The following DHX29 variants were observed in gnomAD, a reference collection of about 807,000 sequenced individuals.
The protein encoded by DHX29 is ATP-dependent RNA helicase DHX29.
In DHX29, 79 loss-of-function variants were observed where a neutral mutation model predicts 167.9. The ratio of observed to expected loss-of-function variants is 0.47; its 90% confidence interval spans 0.39 to 0.57. DHX29 has a LOEUF of 0.57. Ranked by LOEUF, DHX29 falls within the 20% of genes least tolerant of loss-of-function variation. The pLI is 0.00. For missense variants in DHX29, 1,347 were observed against 1,593.4 expected, an observed-to-expected ratio of 0.85 and a Z score of 2.63; for synonymous variants, 530 against 546.0, an observed-to-expected ratio of 0.97 and a Z score of 0.41.
At chr5:55,290,911 A>G in intron 6 of DHX29, among the ~76,000 whole-genome samples, 1 of 152,132 alleles carries the variant, frequency 6.6e-6, no homozygotes, top group South Asian at 2.1e-4. Context: ...GCTACCCAGA[A>G]GGCTGAGGCA....
intron 16 of DHX29, among the ~76,000 whole-genome samples, 154 bp downstream of exon 16, chr5:55,274,460 A>C (rs1233843947): frequency 6.6e-6 from 1 of 152,214 alleles, no homozygotes; most frequent in African/African-American, 2.4e-5. Flanking sequence ...ATAACATGTT[A>C]TAATGGAAGT....
intron 1 of DHX29, among the ~76,000 whole-genome samples, chr5:55,299,661 T>C (rs892107240): frequency 5.9e-5 from 9 of 152,134 alleles, no homozygotes; most frequent in African/African-American, 1.2e-4. Context: ...CCTTCTTCCC[T>C]TTCTCTGTGT....
chr5:55,260,527 G>GGCCTGGAGTGTAACATTTTTTAAAATA (rs70992714), intron 25 of DHX29, among the ~76,000 whole-genome samples: 1 of 151,692 alleles, frequency 6.6e-6, no homozygotes, highest in Non-Finnish European at 1.5e-5. Context: ...CATGGCACCC[G>GGCCTGGAGTGTAACATTTTTTAAAATA]GCTTTATTGA....
At chr5:55,289,492 T>C in intron 7 of DHX29, 64 bp from the exon 8 acceptor site, 2 of 1,337,950 alleles carry the variant, frequency 1.5e-6, no homozygotes, top group Non-Finnish European at 2.0e-6. Flanking sequence ...TTTTTATTTA[T>C]TTACTTTTTT....
Position 55,283,340 on chromosome 5 carries a change from A to G in DHX29, c.1828T>C (p.Leu610=), listed in dbSNP as rs929570425. 11 of 1,614,030 alleles carry G rather than the reference A, an allele frequency of 6.8e-6. No homozygotes were observed. Among genetic ancestry groups the G allele is most frequent in the Middle Eastern group, 1.6e-4 (1 of 6,084 alleles). Residue 610 remains leucine, a synonymous_variant, in exon 11 of 27, where the codon TTG becomes CTG. Coordinates refer to ENST00000251636, the MANE Select transcript of DHX29 (RefSeq NM_019030.4). ...CACTCATTTAGAAGCAAATCTTCCA[A>G]TAGAAAATGTGGTACCTGAGTACTT... ...GKSTQVPHFL[L]EDLLLNEWEA...
intron 1 of DHX29, among the ~76,000 whole-genome samples, chr5:55,306,381 T>G (rs1748861276): frequency 6.6e-6 from 1 of 152,344 alleles, no homozygotes; most frequent in Middle Eastern, 3.4e-3. Context: ...AACTCCTTTT[T>G]CATTCTCCTC....
At chr5:55,279,789 T>G (rs910156534) in intron 12 of DHX29, 2 of 151,716 alleles carry the variant, frequency 1.3e-5, no homozygotes, top group African/African-American at 4.9e-5. Context: ...CAGGCTGGTC[T>G]CAAACTCCTG....
intron 22 of DHX29, 44 bp downstream of exon 22, chr5:55,267,642 C>T: frequency 6.5e-7 from 1 of 1,536,244 alleles, no homozygotes; most frequent in Non-Finnish European, 8.8e-7. Flanking sequence ...AGTAAATAAC[C>T]TCAGGTAATT....
At chr5:55,295,553 T>C (rs775948215) in intron 4 of DHX29, 29 bp from the exon 5 acceptor site, 2 of 1,604,058 alleles carry the variant, frequency 1.2e-6, no homozygotes, top group East Asian at 4.5e-5. Flanking sequence ...ATGCTGAAAA[T>C]AAACAGGCAT....
At chr5:55,299,023 C>T (rs112089084) in intron 1 of DHX29, among the ~76,000 whole-genome samples, 136 of 119,234 alleles carry the variant, frequency 1.1e-3, no homozygotes, top group African/African-American at 4.4e-3. Context: ...GGCGACAGAG[C>T]GAGACTCCGT....
At position 55,294,031 on chromosome 5, in the gene DHX29, C is replaced by T. The variant is rs138593377; in HGVS notation, c.766G>A (p.Glu256Lys). 1 of 1,606,272 alleles carries T rather than the reference C, an allele frequency of 6.2e-7. No homozygotes were observed. The highest frequency in any genetic ancestry group is 1.3e-5 in the African/African-American group (1 of 74,494). ...NENSKSLEEE[E>K]KFDPNERYLH... ...TTTCTACTCACAGGGTCAAATTTTTCCTCCTCTTCTAAACTTTTAGAATTC... is the reference window on the plus strand; with the variant it reads ...TTTCTACTCACAGGGTCAAATTTTTTCTCCTCTTCTAAACTTTTAGAATTC... Residue 256 changes from glutamate to lysine, a missense_variant, in exon 6 of 27, where the codon GAA becomes AAA. Physicochemically the swap from Glu to Lys is moderately conservative, Grantham distance 56 (BLOSUM62 1). Coordinates refer to ENST00000251636, the MANE Select transcript of DHX29 (RefSeq NM_019030.4).
rs748257008 is a variant in DHX29 at position 55,274,707 on chromosome 5, A to G, written c.2597T>C (p.Ile866Thr). 1.3e-5 allele frequency: 20 copies of G among 1,592,216 alleles called. No individual in the cohort carries two copies. Among genetic ancestry groups the G allele is most frequent in the East Asian group, 2.2e-5 (1 of 44,534 alleles). ...TAAAAAGATCAATACTGCTCCTTCA[A>G]TATTTCTGAATTGGGGACTTTTATC... ...YLDKSPQFRN[I>T]EGAVLIFLPG... Residue 866 changes from isoleucine (I) to threonine (T), a missense_variant, in exon 16 of 27, where the codon ATT becomes ACT. Ile to Thr is a moderately conservative substitution (Grantham distance 89). Transcript: ENST00000251636.
Position 55,259,909 on chromosome 5 carries a change from C to T in DHX29, c.3996G>A (p.Leu1332=), listed in dbSNP as rs1197900947. 6.2e-7 allele frequency: 1 copy of T among 1,612,714 alleles called. No homozygotes were observed. The highest frequency in any genetic ancestry group is 1.7e-5 in the Admixed American group (1 of 59,978). Residue 1332 remains leucine (L), a synonymous_variant, in exon 26 of 27, where the codon CTG becomes CTA. Transcript: ENST00000251636. ...PVKIAVIFKQ[L]RVLIDSVLRK... is the part of the protein sequence containing the mutation. ...TTAAAACTGAATCAATGAGAACTCT[C>T]AGCTGCTTGAAAATGACAGCTATCT...
chr5:55,272,112 C>A lies in DHX29; in HGVS notation c.2839G>T (p.Asp947Tyr), dbSNP rs750780542. 1.3e-6 allele frequency: 2 copies of A among 1,585,118 alleles called. No individual in the cohort carries two copies. The highest frequency in any genetic ancestry group is 1.2e-5 in the South Asian group (1 of 85,498). The change falls in exon 18 of 27, where the codon GAT (aspartate) becomes TAT (tyrosine). Residue 947 changes from aspartate to tyrosine, a missense_variant. Asp to Tyr is a radical substitution (Grantham distance 160, BLOSUM62 -3). Coordinates refer to ENST00000251636, the MANE Select transcript of DHX29 (RefSeq NM_019030.4). ...ITIPDVVFVI[D>Y]TGRTKENKYH... ...TTATTTTCTTTTGTTCTTCCAGTAT[C>A]AATTACAAATACAACATCAGGAATA...
chr5:55,299,734 G>A (rs1294110169), intron 1 of DHX29, among the ~76,000 whole-genome samples: 1 of 151,950 alleles, frequency 6.6e-6, no homozygotes, highest in East Asian at 1.9e-4. Flanking sequence ...CCTAAATCTA[G>A]TATAATTTCA....
chr5:55,261,235 T>C, intron 25 of DHX29, 133 bp downstream of exon 25: 1 of 468,866 alleles, frequency 2.1e-6, no homozygotes, highest in Non-Finnish European at 3.8e-6. Context: ...AGAGGCAAGA[T>C]AAAATAAGGA....
rs1049277445 is a variant in DHX29, at chr5:55,270,784, C to T, written c.2865-78G>A. On this transcript the variant is annotated intron_variant, in intron 18 of 26. Coordinates refer to ENST00000251636, the MANE Select transcript of DHX29 (RefSeq NM_019030.4). Reference sequence around the variant, plus strand: ...TGGAAAAAGCTGGATTTGACTCTTACAACTAAGTTAAACACAGGCTTAAAA... The same window carrying T: ...TGGAAAAAGCTGGATTTGACTCTTATAACTAAGTTAAACACAGGCTTAAAA... 23 of 1,115,346 alleles carry T rather than the reference C, an allele frequency of 2.1e-5. No homozygotes were observed. The Admixed American group carries it at 3.9e-4, about 19-fold the overall frequency. The allele number at this position is 1,115,346 out of a possible 1,614,324, so 69.1% of individuals were successfully genotyped here. A position where few individuals can be genotyped will look rare whatever the true frequency, so the allele number is the denominator to read the frequency against.
rs575933985 is a variant in DHX29, at chr5:55,299,820, T to C, written c.188-1156A>G. Among the ~76,000 whole-genome samples, 12 of 152,210 alleles carry C rather than the reference T, an allele frequency of 7.9e-5. No individual in the cohort carries two copies. The East Asian group carries it at 2.1e-3, about 27-fold the overall frequency. ...TGAGGTTCCAGGTGGACATGAATAT[T>C]TGGGGGGACACTACTCACTCAACCC... On this transcript the variant is annotated intron_variant, in intron 1 of 26. Transcript: ENST00000251636.
intron 9 of DHX29, 140 bp from the exon 10 acceptor site, chr5:55,285,556 C>A: frequency 8.1e-7 from 1 of 1,227,002 alleles, no homozygotes; most frequent in East Asian, 2.6e-5. Context: ...TAATGATAAT[C>A]TATCAGACAA....
Sources: gnomAD v4.1 joint callset for allele counts (sites outside exome capture counted in the v4.1 genomes callset) on GRCh38, gnomAD v4.1.1 for gene constraint, MANE v1.5 for transcripts, NCBI Gene and HGNC (gene_info 2026-07-23, HGNC 2026-07-21) for gene names.